Variants in PDE8B observed in about 807,000 individuals in gnomAD.
PDE8B encodes phosphodiesterase 8B.
In PDE8B, 26 loss-of-function variants were observed where a neutral mutation model predicts 101.3. The ratio of observed to expected loss-of-function variants is 0.26; its 90% CI spans 0.19 to 0.36. The LOEUF (loss-of-function observed/expected upper bound fraction) is 0.36, where lower values mean the gene tolerates loss of function less well. Ranked by LOEUF, PDE8B falls within the 10% of genes least tolerant of loss-of-function variation. The probability of loss-of-function intolerance (pLI) is 1.00; values close to 1 mark genes in which losing one functional copy is unlikely to be tolerated. For missense variants in PDE8B, 810 were observed against 1,163.1 expected (o/e 0.70, Z 4.42); for synonymous variants, 424 against 429.3 (o/e 0.99, Z 0.15).
intron 1 of PDE8B, among the ~76,000 whole-genome samples, chr5:77,249,918 C>T (rs1160162686): frequency 2.0e-5 from 3 of 152,198 alleles, no homozygotes; most frequent in African/African-American, 4.8e-5. Flanking sequence ...CATTACAAGT[C>T]GATGCAAGCC....
chr5:77,098,083 G>T, the PDE8B span, among the ~76,000 whole-genome samples: 1 of 151,968 alleles, frequency 6.6e-6, no homozygotes, highest in African/African-American at 2.4e-5. Flanking sequence ...ACTGCAGGAA[G>T]CAGGTCTAAG....
intron 1 of PDE8B, among the ~76,000 whole-genome samples, chr5:77,257,026 G>A (rs1374623666): frequency 1.3e-5 from 2 of 152,040 alleles, no homozygotes; most frequent in African/African-American, 2.4e-5. Context: ...GGTAGTGATC[G>A]TACATAGAAT....
chr5:77,419,711 T>C, intron 18 of PDE8B, 56 bp from the exon 19 acceptor site: 1 of 1,605,378 alleles, frequency 6.2e-7, no homozygotes, highest in Non-Finnish European at 8.5e-7. Context: ...GGTGGCAGAA[T>C]AGTTATAATT....
chr5:77,343,093 A>G (rs1779509505), intron 6 of PDE8B, among the ~76,000 whole-genome samples: 1 of 152,230 alleles, frequency 6.6e-6, no homozygotes, highest in Non-Finnish European at 1.5e-5. Flanking sequence ...ATGATCCACG[A>G]AGATTTCACT....
chr5:77,387,695 A>G (rs1276602103), intron 10 of PDE8B, among the ~76,000 whole-genome samples: 1 of 152,156 alleles, frequency 6.6e-6, no homozygotes, highest in Non-Finnish European at 1.5e-5. Context: ...CATTCTCCCC[A>G]TCACTTTCAG....
intron 1 of PDE8B, among the ~76,000 whole-genome samples, chr5:77,282,071 A>G (rs916935472): frequency 2.6e-5 from 4 of 152,108 alleles, no homozygotes; most frequent in African/African-American, 9.7e-5. Context: ...GGGAAGCCAC[A>G]TGCAATCCTG....
chr5:77,288,957 C>T (rs1457420327), intron 1 of PDE8B, among the ~76,000 whole-genome samples: 1 of 151,446 alleles, frequency 6.6e-6, no homozygotes, highest in African/African-American at 2.4e-5. Flanking sequence ...AGAAAATTGT[C>T]CTTGATTTAT....
intron 1 of PDE8B, among the ~76,000 whole-genome samples, chr5:77,212,721 G>C (rs1290560089): frequency 6.6e-6 from 1 of 152,070 alleles, no homozygotes; most frequent in Non-Finnish European, 1.5e-5. Flanking sequence ...TGTGCTGAAC[G>C]CTATACTTTG....
chr5:77,197,789 C>G, the PDE8B span, among the ~76,000 whole-genome samples: 6 of 152,124 alleles, frequency 3.9e-5, no homozygotes, highest in African/African-American at 1.4e-4. Flanking sequence ...TTAGTTCCAT[C>G]CAGTGACCAT....
chr5:77,238,672 T>G (rs897258431), intron 1 of PDE8B, among the ~76,000 whole-genome samples: 12 of 152,204 alleles, frequency 7.9e-5, no homozygotes, highest in Non-Finnish European at 7.3e-5. Context: ...AGGCAGAGAA[T>G]TCTCATGATC....
chr5:77,262,721 A>G (rs539169424), intron 1 of PDE8B, among the ~76,000 whole-genome samples: 1 of 152,304 alleles, frequency 6.6e-6, no homozygotes, highest in Non-Finnish European at 1.5e-5. Context: ...GTAATATGCC[A>G]GTGTCTGGAA....
chr5:77,147,055 A>T, the PDE8B span: 1 of 438,726 alleles, frequency 2.3e-6, no homozygotes, highest in Non-Finnish European at 4.4e-6. Context: ...ATTGCCTCAT[A>T]CTGAGCTAAA....
At chr5:77,339,824 C>T (rs1778884627) in intron 6 of PDE8B, among the ~76,000 whole-genome samples, 1 of 152,082 alleles carries the variant, frequency 6.6e-6, no homozygotes, top group South Asian at 2.1e-4. Context: ...GTCAGGTGAC[C>T]ATATTTACTT....
chr5:77,312,351 G>C (rs1772862144), intron 2 of PDE8B, among the ~76,000 whole-genome samples: 1 of 152,152 alleles, frequency 6.6e-6, no homozygotes, highest in Non-Finnish European at 1.5e-5. Flanking sequence ...TGACCTGCCT[G>C]CCTCGGCCTC....
intron 10 of PDE8B, among the ~76,000 whole-genome samples, chr5:77,382,275 CAAAA>C (rs5868865): frequency 2.7e-5 from 4 of 148,904 alleles, no homozygotes; most frequent in African/African-American, 9.8e-5. Flanking sequence ...TTCCAACTAT[CAAAA>C]AAAAAAGTTG....
the PDE8B span, chr5:77,143,857 G>A: frequency 7.1e-6 from 1 of 141,818 alleles, no homozygotes; most frequent in Non-Finnish European, 1.5e-5. Context: ...CCTTCTTGAG[G>A]GATTTTTTTT....
chr5:77,322,017 C>G (rs1173006562), intron 2 of PDE8B, among the ~76,000 whole-genome samples: 2 of 152,148 alleles, frequency 1.3e-5, no homozygotes, highest in Non-Finnish European at 2.9e-5. Context: ...GGAGGAGATC[C>G]CGGGCAAGAG....
chr5:77,363,714 A>G (rs986243580), intron 10 of PDE8B, among the ~76,000 whole-genome samples: 1 of 84,560 alleles, frequency 1.2e-5, no homozygotes, highest in Admixed American at 1.1e-4. Context: ...TCCATCGCAG[A>G]AAAAAAAAAA....
chr5:77,372,474 C>T (rs1005443701), intron 10 of PDE8B, among the ~76,000 whole-genome samples: 24 of 152,070 alleles, frequency 1.6e-4, no homozygotes, highest in African/African-American at 4.3e-4. Flanking sequence ...CTCTATTTTC[C>T]GAACAAGTTT....
Sources: gnomAD v4.1 joint callset for allele counts (sites outside exome capture counted in the v4.1 genomes callset) on GRCh38, gnomAD v4.1.1 for gene constraint, MANE v1.5 for transcripts, NCBI Gene and HGNC (gene_info 2026-07-23, HGNC 2026-07-21) for gene names.